KIF6: variants seen among roughly 807,000 people sequenced by gnomAD.
KIF6 encodes kinesin family member 6.
A neutral mutation model predicts 112.7 loss-of-function variants in KIF6; 106 were observed. The observed-to-expected ratio is 0.94, with a 90% CI of 0.80 to 1.11. KIF6 has a LOEUF of 1.11. KIF6 is among the 50% of genes least tolerant of loss of function. The pLI, the probability that KIF6 is intolerant of heterozygous loss-of-function variation, is 0.00. For missense variants in KIF6, 929 were observed against 964.0 expected, an observed-to-expected ratio of 0.96 and a Z score of 0.48; for synonymous variants, 339 against 339.9, an observed-to-expected ratio of 1.00 and a Z score of 0.03.
chr6:39,630,350 C>G (rs1784293920), intron 5 of KIF6, among the ~76,000 whole-genome samples: 1 of 152,022 alleles, frequency 6.6e-6, no homozygotes, highest in Non-Finnish European at 1.5e-5. Flanking sequence ...TTTAGACATT[C>G]TTTGATTTAT....
rs905040607 is a variant in KIF6 at position 39,343,002 on chromosome 6, A to G, written c.2428+707T>C. The stretch of plus-strand genomic sequence containing the variant: ...AAGCCTGCCTAGTAGCCTTTGGGTT[A>G]TGGGGAGGAGGCTAAGACAAAATGC... On this transcript the variant is annotated intron_variant, in intron 22 of 22. Transcript: ENST00000287152. This position sits in a 1 kb window ranked among gnomAD's most constrained non-coding sequence, Gnocchi z 4.1. 59 of 985,386 alleles carry G rather than the reference A, an allele frequency of 6.0e-5. No homozygotes were observed. Among genetic ancestry groups the G allele is most frequent in the Non-Finnish European group, 6.9e-5 (57 of 829,918 alleles). 61.0% of individuals were successfully genotyped at this position (985,386 alleles called of 1,614,324 possible). A position where few individuals can be genotyped will look rare whatever the true frequency, so the allele number is the denominator to read the frequency against.
intron 3 of KIF6, among the ~76,000 whole-genome samples, chr6:39,641,765 C>T (rs1396765250): frequency 2.6e-5 from 4 of 151,962 alleles, no homozygotes; most frequent in Admixed American, 6.6e-5. Context: ...TAGTACACTA[C>T]GTTGGCATCT....
rs1050706171 is a variant in KIF6, at chr6:39,342,153, G to A, written c.2428+1556C>T. On this transcript the variant is annotated intron_variant, in intron 22 of 22. Transcript: ENST00000287152. This position sits in a 1 kb window ranked among gnomAD's most constrained non-coding sequence, Gnocchi z 4.7. Reference sequence around the variant, plus strand: ...TTCCCCTTCAGGCTTCTCGCTTTCCGCTCTGTCTGCTAGGACTGTGCATTC... The same window carrying A: ...TTCCCCTTCAGGCTTCTCGCTTTCCACTCTGTCTGCTAGGACTGTGCATTC... 6.6e-6 allele frequency among the ~76,000 whole-genome samples: 1 copy of A among 152,072 alleles called. No individual in the cohort carries two copies. The highest frequency in any genetic ancestry group is 2.1e-4 in the South Asian group (1 of 4,826).
intron 3 of KIF6, among the ~76,000 whole-genome samples, chr6:39,680,549 TCA>T (rs1430556470): frequency 3.3e-5 from 5 of 152,134 alleles, no homozygotes; most frequent in Non-Finnish European, 5.9e-5. Flanking sequence ...GCTACCTTTC[TCA>T]CAGATAGATA....
chr6:39,587,669 C>G (rs903617374), intron 7 of KIF6, among the ~76,000 whole-genome samples: 1 of 152,096 alleles, frequency 6.6e-6, no homozygotes, highest in Non-Finnish European at 1.5e-5. Context: ...GATTCGGAAC[C>G]CTGACCAGGA....
At chr6:39,578,329 ATTTTTTT>A (rs35778593) in intron 9 of KIF6, among the ~76,000 whole-genome samples, 170 bp from the exon 10 acceptor site, 2 of 125,196 alleles carry the variant, frequency 1.6e-5, no homozygotes, top group Non-Finnish European at 3.3e-5. Context: ...ATAGTTCTAG[ATTTTTTT>A]TTTTTTTTTT....
chr6:39,507,999 A>C (rs563756165), intron 13 of KIF6, among the ~76,000 whole-genome samples: 1 of 101,190 alleles, frequency 9.9e-6, no homozygotes, highest in African/African-American at 3.9e-5. Context: ...TCACAACCCC[A>C]TATCCCTCTC....
chr6:39,389,712 G>T (rs1410097148), intron 15 of KIF6, among the ~76,000 whole-genome samples: 1 of 152,144 alleles, frequency 6.6e-6, no homozygotes, highest in African/African-American at 2.4e-5. Flanking sequence ...AAACCTCTTT[G>T]CTATTTCAGT....
chr6:39,547,279 C>G (rs1365814558), intron 10 of KIF6, among the ~76,000 whole-genome samples: 8 of 152,110 alleles, frequency 5.3e-5, no homozygotes, highest in Non-Finnish European at 1.2e-4. Flanking sequence ...CATGTGACAG[C>G]TATATATTTA....
At chr6:39,678,311 CA>C (rs1484941588) in intron 3 of KIF6, among the ~76,000 whole-genome samples, 1 of 152,066 alleles carries the variant, frequency 6.6e-6, no homozygotes, top group African/African-American at 2.4e-5. Flanking sequence ...GGTATATACC[CA>C]AATGAGTATA....
In KIF6 at chr6:39,588,934, G is replaced by A. The variant is rs1014421276; in HGVS notation, c.847-2530C>T. 2.0e-5 allele frequency among the ~76,000 whole-genome samples: 3 copies of A among 152,090 alleles called. No homozygotes were observed. In the East Asian group the frequency reaches 5.8e-4, roughly 29 times the overall value. On this transcript the variant is annotated intron_variant, in intron 7 of 22. Coordinates refer to ENST00000287152, the MANE Select transcript of KIF6 (RefSeq NM_145027.6). ...CCTGCTTCTACTTTTGCCCTTCCACGATCTGTTCTCCACACAGCAGCCAGA... is the reference window on the plus strand; with the variant it reads ...CCTGCTTCTACTTTTGCCCTTCCACAATCTGTTCTCCACACAGCAGCCAGA...
At chr6:39,382,829 C>T (rs1238165224) in intron 16 of KIF6, among the ~76,000 whole-genome samples, 3 of 151,678 alleles carry the variant, frequency 2.0e-5, no homozygotes, top group African/African-American at 4.9e-5. Flanking sequence ...TGCCAACATC[C>T]GTTATTTTTT....
intron 3 of KIF6, among the ~76,000 whole-genome samples, chr6:39,687,696 T>C (rs1448100963): frequency 1.3e-5 from 2 of 152,230 alleles, no homozygotes; most frequent in Admixed American, 6.5e-5. Flanking sequence ...GTGTTATACA[T>C]ATTATCATAC....
At chr6:39,500,394 G>C (rs1776054898) in intron 13 of KIF6, among the ~76,000 whole-genome samples, 1 of 152,186 alleles carries the variant, frequency 6.6e-6, no homozygotes, top group Non-Finnish European at 1.5e-5. Context: ...GAGACTAGGG[G>C]AAGGAATCTG....
At chr6:39,400,412 CCTT>C (rs1166167574) in intron 15 of KIF6, among the ~76,000 whole-genome samples, 1 of 152,104 alleles carries the variant, frequency 6.6e-6, no homozygotes, top group Non-Finnish European at 1.5e-5. Flanking sequence ...TCCTTTTTGC[CCTT>C]CTTAAAAATA....
At chr6:39,637,677 T>C (rs1003799713) in intron 4 of KIF6, among the ~76,000 whole-genome samples, 10 of 151,946 alleles carry the variant, frequency 6.6e-5, no homozygotes, top group African/African-American at 2.4e-4. Flanking sequence ...GACCTCTGAG[T>C]ACTAAGCTGC....
At chr6:39,428,849 T>C (rs564225931) in intron 14 of KIF6, among the ~76,000 whole-genome samples, 45 of 152,368 alleles carry the variant, frequency 3.0e-4, no homozygotes, top group Non-Finnish European at 5.7e-4. Context: ...TCCTGCTTCA[T>C]GGGGCATCGG....
intron 13 of KIF6, among the ~76,000 whole-genome samples, chr6:39,455,002 C>G (rs1186834084): frequency 5.3e-5 from 8 of 150,518 alleles, no homozygotes; most frequent in African/African-American, 1.9e-4. Context: ...GAAGCTCGAA[C>G]TGGGTGGAGC....
rs185153059 is a variant in KIF6, at chr6:39,685,321, T to A, written c.251+29371A>T. Among the ~76,000 whole-genome samples, 7 of 152,052 alleles carry A rather than the reference T, an allele frequency of 4.6e-5. No homozygotes were observed. The East Asian group carries it at 1.2e-3, about 25-fold the overall frequency. On this transcript the variant is annotated intron_variant, in intron 3 of 22. Transcript: ENST00000287152. ...AGAGACAGTAGAGCTCTGACTACAG[T>A]AACAGGAGGGAGGCCAAGGAATTAG... is the stretch of plus-strand genomic sequence containing the variant.
Sources: allele counts gnomAD v4.1 joint callset (sites outside exome capture counted in the v4.1 genomes callset), GRCh38; gene constraint gnomAD v4.1.1; non-coding constraint Gnocchi (gnomAD v3.1); transcripts MANE v1.5; gene names NCBI Gene and HGNC (gene_info 2026-07-23, HGNC 2026-07-21).